The following DPP10 variants were observed in gnomAD, a reference collection of about 807,000 sequenced individuals.
DPP10 encodes dipeptidyl peptidase like 10.
Under a neutral mutation model 120.9 loss-of-function variants are expected in DPP10, and 33 were observed. The ratio of observed to expected loss-of-function variants is 0.27; its 90% CI spans 0.21 to 0.37. The LOEUF (loss-of-function observed/expected upper bound fraction) is 0.37, where lower values mean the gene tolerates loss of function less well. Among genes scored for constraint, DPP10 ranks in the 10% least tolerant of loss-of-function variants. The probability of loss-of-function intolerance (pLI) is 1.00; values close to 1 mark genes in which losing one functional copy is unlikely to be tolerated. For missense variants in DPP10, 816 were observed against 942.8 expected (o/e 0.87, Z 1.76); for synonymous variants, 337 against 326.1 (o/e 1.03, Z -0.36).
intron 1 of DPP10, among the ~76,000 whole-genome samples, chr2:115,081,937 C>A (rs1048927110): frequency 6.6e-6 from 1 of 152,114 alleles, no homozygotes; most frequent in African/African-American, 2.4e-5. Context: ...CCCAGAAGGC[C>A]TCTGCTAGGA....
chr2:115,245,601 C>T (rs1464743086), intron 1 of DPP10, among the ~76,000 whole-genome samples: 5 of 152,028 alleles, frequency 3.3e-5, no homozygotes, highest in Non-Finnish European at 5.9e-5. Context: ...GTAGAATTAC[C>T]GTTTGATCCA....
intron 5 of DPP10, among the ~76,000 whole-genome samples, chr2:115,655,556 C>G (rs1373463741): frequency 6.6e-6 from 1 of 151,570 alleles, no homozygotes; most frequent in Non-Finnish European, 1.5e-5. Context: ...CTGTTTCCTA[C>G]TCAATATTAG....
At chr2:114,733,948 T>C (rs1204921331) in intron 1 of DPP10, among the ~76,000 whole-genome samples, 2 of 152,152 alleles carry the variant, frequency 1.3e-5, no homozygotes, top group African/African-American at 4.8e-5. Context: ...GACTAAGCTC[T>C]GATTTTTTTA....
At chr2:115,594,927 A>T (rs1471629014) in intron 5 of DPP10, among the ~76,000 whole-genome samples, 1 of 152,182 alleles carries the variant, frequency 6.6e-6, no homozygotes, top group Admixed American at 6.5e-5. Context: ...CTAATAACAC[A>T]TTTATATAAA....
intron 1 of DPP10, among the ~76,000 whole-genome samples, chr2:115,162,994 G>A (rs1234093776): frequency 6.6e-6 from 1 of 152,044 alleles, no homozygotes; most frequent in Non-Finnish European, 1.5e-5. Flanking sequence ...AGGAACTCCG[G>A]GCAGAGAGAG....
intron 5 of DPP10, among the ~76,000 whole-genome samples, chr2:115,527,377 C>T (rs1337992604): frequency 6.6e-6 from 1 of 152,100 alleles, no homozygotes; most frequent in Non-Finnish European, 1.5e-5. Context: ...GCTTAAGCCA[C>T]ACACCTTATA....
intron 3 of DPP10, among the ~76,000 whole-genome samples, chr2:115,407,872 A>G (rs2068641336): frequency 8.0e-6 from 1 of 125,544 alleles, no homozygotes; most frequent in African/African-American, 2.8e-5. Context: ...AGGAAAAAGG[A>G]AAAAAAAAGT....
intron 1 of DPP10, among the ~76,000 whole-genome samples, chr2:114,518,066 T>C (rs1036000622): frequency 1.4e-5 from 2 of 143,996 alleles, no homozygotes; most frequent in Non-Finnish European, 3.0e-5. Flanking sequence ...GTATGAGCTA[T>C]TCATTTTTTT....
intron 8 of DPP10, among the ~76,000 whole-genome samples, chr2:115,739,284 A>T (rs1676965607): frequency 6.6e-6 from 1 of 152,048 alleles, no homozygotes; most frequent in Non-Finnish European, 1.5e-5. Flanking sequence ...AATGAAAGAT[A>T]CCCAGTATAC....
chr2:115,173,021 C>T (rs545854376), intron 1 of DPP10, among the ~76,000 whole-genome samples: 11 of 152,148 alleles, frequency 7.2e-5, no homozygotes, highest in South Asian at 2.1e-4. Context: ...TTTCTTATCA[C>T]GCAGAGAAGT....
intron 5 of DPP10, among the ~76,000 whole-genome samples, chr2:115,672,321 C>T (rs73946590): frequency 0.03 from 4,587 of 151,854 alleles, 244 homozygotes; most frequent in African/African-American, 0.11. Context: ...GTACAAAATA[C>T]TCTATTTTTT....
chr2:115,257,655 CTG>C (rs1366754425), intron 1 of DPP10, among the ~76,000 whole-genome samples: 1 of 152,184 alleles, frequency 6.6e-6, no homozygotes, highest in African/African-American at 2.4e-5. Context: ...TATATCCAAA[CTG>C]TGTCACTCAG....
rs562920182 is a variant in DPP10, at chr2:115,829,376, C to A, written c.1951-6781C>A. ...TTTATTTCTGTTGAATTCTGTCTTT[C>A]TGTTCTTATGCTAATCTTACAGTCT... is the stretch of plus-strand genomic sequence containing the variant. On this transcript the variant is annotated intron_variant, in intron 21 of 25. Transcript: ENST00000410059. Among the ~76,000 whole-genome samples the A allele has an allele frequency of 3.9e-5, 6 of 152,212 alleles. No individual in the cohort carries two copies. In the East Asian group the frequency reaches 1.2e-3, roughly 29 times the overall value.
At chr2:115,245,926 A>C (rs1303177286) in intron 1 of DPP10, among the ~76,000 whole-genome samples, 1 of 152,158 alleles carries the variant, frequency 6.6e-6, no homozygotes, top group Admixed American at 6.5e-5. Context: ...CGCAGCTTGT[A>C]CATTTTTTTA....
At chr2:114,782,019 T>C (rs1284030008) in intron 1 of DPP10, among the ~76,000 whole-genome samples, 1 of 152,134 alleles carries the variant, frequency 6.6e-6, no homozygotes, top group African/African-American at 2.4e-5. Context: ...CATCGCACTT[T>C]AGCCTTAATT....
At chr2:114,969,926 G>A (rs545308180) in intron 1 of DPP10, among the ~76,000 whole-genome samples, 13 of 152,066 alleles carry the variant, frequency 8.5e-5, no homozygotes, top group East Asian at 3.9e-4. Flanking sequence ...TAAACCACTC[G>A]GATTTTAGGA....
chr2:115,019,177 A>G (rs1272929970), intron 1 of DPP10, among the ~76,000 whole-genome samples: 1 of 152,056 alleles, frequency 6.6e-6, no homozygotes, highest in Non-Finnish European at 1.5e-5. Context: ...TTTAATTTGT[A>G]CTAAAAGCTT....
At chr2:115,567,539 T>TTA (rs1204848612) in intron 5 of DPP10, among the ~76,000 whole-genome samples, 4 of 151,850 alleles carry the variant, frequency 2.6e-5, no homozygotes, top group African/African-American at 9.7e-5. Context: ...TTCTCATTTT[T>TTA]TTTTTTTTTA....
chr2:115,664,353 TCAG>T (rs1431558432), intron 5 of DPP10, among the ~76,000 whole-genome samples: 2 of 152,074 alleles, frequency 1.3e-5, no homozygotes, highest in East Asian at 1.9e-4. Context: ...TTTTGGTTCA[TCAG>T]CAGGGAAAAT....
Sources: gnomAD v4.1 joint callset for allele counts (sites outside exome capture counted in the v4.1 genomes callset) on GRCh38, gnomAD v4.1.1 for gene constraint, MANE v1.5 for transcripts, NCBI Gene and HGNC (gene_info 2026-07-23, HGNC 2026-07-21) for gene names.